The following SPART variants were observed in gnomAD, a reference collection of about 807,000 sequenced individuals.
SPART encodes the protein spastic paraplegia 20 (Troyer syndrome).
A neutral mutation model predicts 58.7 loss-of-function variants in SPART; 35 were observed. The observed-to-expected ratio is 0.60, with a 90% confidence interval of 0.46 to 0.79. The LOEUF (loss-of-function observed/expected upper bound fraction) is 0.79. Ranked by LOEUF, SPART falls within the 30% of genes least tolerant of loss-of-function variation. SPART has a pLI of 0.00. For synonymous variants in SPART, 284 were observed against 280.7 expected, an observed-to-expected ratio of 1.01 and a Z score of -0.12; for missense variants, 730 against 786.1, an observed-to-expected ratio of 0.93 and a Z score of 0.85.
intron 1 of SPART, among the ~76,000 whole-genome samples, chr13:36,363,032 G>C (rs927271105): frequency 1.6e-4 from 25 of 152,102 alleles, no homozygotes; most frequent in Non-Finnish European, 2.8e-4. Context: ...AAAAAAGACA[G>C]ATTCTGATTC....
intron 1 of SPART, among the ~76,000 whole-genome samples, chr13:36,351,645 G>A (rs568406680): frequency 6.6e-6 from 1 of 152,246 alleles, no homozygotes; most frequent in African/African-American, 2.4e-5. Flanking sequence ...AATGATATAT[G>A]CCTATTTGGG....
At chr13:36,319,268 T>C (rs1033173663) in intron 5 of SPART, among the ~76,000 whole-genome samples, 1 of 151,536 alleles carries the variant, frequency 6.6e-6, no homozygotes, top group African/African-American at 2.4e-5. Flanking sequence ...CTGTATCTCA[T>C]TGCCACCCTT....
At chr13:36,327,138 T>G (rs1883011731) in intron 4 of SPART, among the ~76,000 whole-genome samples, 1 of 152,164 alleles carries the variant, frequency 6.6e-6, no homozygotes, top group African/African-American at 2.4e-5. Flanking sequence ...AATGTCTAAT[T>G]TGAAACAAGA....
intron 1 of SPART, among the ~76,000 whole-genome samples, chr13:36,338,191 T>C (rs1366961566): frequency 2.0e-5 from 3 of 152,152 alleles, no homozygotes; most frequent in Non-Finnish European, 4.4e-5. Context: ...TATATATACA[T>C]AAAAATCATT....
chr13:36,321,385 T>C (rs1022571008), intron 5 of SPART, among the ~76,000 whole-genome samples: 1 of 152,206 alleles, frequency 6.6e-6, no homozygotes, highest in African/African-American at 2.4e-5. Flanking sequence ...CCTTAGGCGC[T>C]CTCTAATCAG....
intron 4 of SPART, among the ~76,000 whole-genome samples, chr13:36,327,901 C>G (rs1005444681): frequency 6.6e-6 from 1 of 152,008 alleles, no homozygotes; most frequent in Non-Finnish European, 1.5e-5. Flanking sequence ...GGTTGAGACA[C>G]GAGAATTGCT....
intron 1 of SPART, among the ~76,000 whole-genome samples, chr13:36,342,960 T>C (rs904848249): frequency 5.9e-5 from 9 of 152,108 alleles, no homozygotes; most frequent in African/African-American, 2.2e-4. Context: ...CTCCTATTCT[T>C]ACTATGGTAC....
At position 36,331,483 on chromosome 13, in the gene SPART, C is replaced by T; in HGVS notation, c.924G>A (p.Gly308=). Residue 308 remains glycine (G), a synonymous_variant, in exon 3 of 9, where the codon GGG becomes GGA. Coordinates refer to ENST00000438666, the MANE Select transcript of SPART (RefSeq NM_015087.5). ...TMLQAAGCFV[G]VVLSSELPED... ...CTGGTAACTCAGAGGACAGGACGAC[C>T]CCCACAAAGCATCCTGCTGCTTGTA... is the stretch of plus-strand genomic sequence containing the variant. 1 of 1,614,008 alleles carries T rather than the reference C, an allele frequency of 6.2e-7. No individual in the cohort carries two copies.
In SPART at chr13:36,324,471, C is replaced by T. The variant is rs112617969; in HGVS notation, c.1288+2104G>A. 5.1e-3 allele frequency among the ~76,000 whole-genome samples: 772 copies of T among 152,280 alleles called. 4 individuals carry two copies. Among genetic ancestry groups the T allele is most frequent in the African/African-American group, 0.018 (728 of 41,558 alleles). On this transcript the variant is annotated intron_variant, in intron 5 of 8. Coordinates refer to ENST00000438666, the MANE Select transcript of SPART (RefSeq NM_015087.5). ...TGTCAGTAATGATTCCAGTCTTCAGCTTATTGTCAAGTCACTAGCTAGCCT... is the reference window on the plus strand; with the variant it reads ...TGTCAGTAATGATTCCAGTCTTCAGTTTATTGTCAAGTCACTAGCTAGCCT...
chr13:36,349,723 A>G (rs566960969), upstream of SPART, among the ~76,000 whole-genome samples: 5 of 152,340 alleles, frequency 3.3e-5, no homozygotes, highest in East Asian at 9.6e-4. Flanking sequence ...TTGATAAACT[A>G]TGCTAGAGGA....
chr13:36,335,905 A>G (rs1468094704), intron 1 of SPART, 73 bp from the exon 2 acceptor site: 3 of 1,209,712 alleles, frequency 2.5e-6, no homozygotes, highest in Non-Finnish European at 3.6e-6. Flanking sequence ...TCCTACCTGA[A>G]TATATTTTAA....
rs1295059518 is a variant in SPART at position 36,312,478 on chromosome 13, C to T, written c.1484-1G>A. The T allele has an allele frequency of 3.1e-6, 5 of 1,613,988 alleles. No individual in the cohort carries two copies. Among genetic ancestry groups the T allele is most frequent in the Non-Finnish European group, 4.2e-6 (5 of 1,179,964 alleles). ...TTTGCTACAGTGCAAACTCCATCAACTAATATGACCATAAAAAAAGAAAAC... is the reference window on the plus strand; with the variant it reads ...TTTGCTACAGTGCAAACTCCATCAATTAATATGACCATAAAAAAAGAAAAC... On this transcript the variant is annotated splice_acceptor_variant, in intron 6 of 8. Coordinates refer to ENST00000438666, the MANE Select transcript of SPART (RefSeq NM_015087.5). LOFTEE classifies it high-confidence loss of function.
intron 8 of SPART, among the ~76,000 whole-genome samples, chr13:36,311,944 G>A (rs746241707): frequency 9.2e-5 from 14 of 151,728 alleles, no homozygotes; most frequent in South Asian, 2.1e-4. Context: ...AAAATTAGCC[G>A]GGCATGGTGG....
upstream of SPART, chr13:36,346,561 C>G (rs1885149962): frequency 6.6e-6 from 1 of 152,480 alleles, no homozygotes; most frequent in Non-Finnish European, 1.5e-5. Flanking sequence ...CCTGCTCAGA[C>G]TAGGTTCTGC....
In SPART at chr13:36,368,088, C is replaced by G. The variant is rs144574618; in HGVS notation, c.-3+2001G>C. The G allele has an allele frequency of 4.4e-3, 1,522 of 349,198 alleles. 30 individuals are homozygous for G. Among genetic ancestry groups the G allele is most frequent in the African/African-American group, 0.031 (1,425 of 45,942 alleles). 21.6% of individuals were successfully genotyped at this position (349,198 alleles called of 1,614,324 possible). A position where few individuals can be genotyped will look rare whatever the true frequency, so the allele number is the denominator to read the frequency against. On this transcript the variant is annotated intron_variant, in intron 1 of 8. Transcript: ENST00000355182. ...TGCCCCTAGTAAAATGATCATGGCT[C>G]TAAAACTTTAAGGCTTATCACTTTT... is the stretch of plus-strand genomic sequence containing the variant.
At chr13:36,319,328 T>TCTTG (rs1882106566) in intron 5 of SPART, among the ~76,000 whole-genome samples, 11 of 148,000 alleles carry the variant, frequency 7.4e-5, no homozygotes, top group Middle Eastern at 3.3e-3. Context: ...TCCCCCCACC[T>TCTTG]TAACCCACAA....
At chr13:36,319,272 C>A (rs894678284) in intron 5 of SPART, among the ~76,000 whole-genome samples, 24 of 151,582 alleles carry the variant, frequency 1.6e-4, no homozygotes, top group Admixed American at 1.5e-3. Flanking sequence ...ATCTCATTGC[C>A]ACCCTTCTTC....
At chr13:36,323,911 C>T (rs1368666842) in intron 5 of SPART, among the ~76,000 whole-genome samples, 1 of 152,140 alleles carries the variant, frequency 6.6e-6, no homozygotes, top group Non-Finnish European at 1.5e-5. Flanking sequence ...TGAGTGTTAC[C>T]AGAACACAGT....
chr13:36,336,812 T>C (rs1884052088), intron 1 of SPART, among the ~76,000 whole-genome samples: 1 of 152,128 alleles, frequency 6.6e-6, no homozygotes, highest in Admixed American at 6.5e-5. Flanking sequence ...TACAATGCAA[T>C]AATACACAGA....
Sources: gnomAD v4.1 joint callset for allele counts (sites outside exome capture counted in the v4.1 genomes callset) on GRCh38, gnomAD v4.1.1 for gene constraint, MANE v1.5 for transcripts, NCBI Gene and HGNC (gene_info 2026-07-23, HGNC 2026-07-21) for gene names.